The following EVI5 variants were observed in gnomAD, a reference collection of about 807,000 sequenced individuals.
EVI5 encodes the protein ecotropic viral integration site 5 protein homolog.
A neutral mutation model predicts 112.0 loss-of-function variants in EVI5; 73 were observed. The observed-to-expected ratio is 0.65, with a 90% CI of 0.54 to 0.79. The LOEUF (loss-of-function observed/expected upper bound fraction) is 0.79, where lower values mean the gene tolerates loss of function less well. Among genes scored for constraint, EVI5 ranks in the 30% least tolerant of loss-of-function variants. The pLI is 0.00. For synonymous variants in EVI5, 305 were observed against 319.9 expected, an observed-to-expected ratio of 0.95 and a Z score of 0.50; for missense variants, 900 against 968.8, an observed-to-expected ratio of 0.93 and a Z score of 0.94.
At chr1:92,543,488 C>T (rs150586897) in intron 19 of EVI5, among the ~76,000 whole-genome samples, 43 of 152,338 alleles carry the variant, frequency 2.8e-4, no homozygotes, top group African/African-American at 9.4e-4. Flanking sequence ...TCCATATCAG[C>T]AATGAGGCTG....
intron 19 of EVI5, among the ~76,000 whole-genome samples, chr1:92,546,406 GA>G (rs990025254): frequency 2.7e-4 from 41 of 151,730 alleles, no homozygotes; most frequent in African/African-American, 9.9e-4. Flanking sequence ...CTTACCAAAT[GA>G]AAAAAAATAG....
intron 13 of EVI5, among the ~76,000 whole-genome samples, chr1:92,660,361 A>C (rs1449526377): frequency 6.6e-6 from 1 of 152,002 alleles, no homozygotes; most frequent in Non-Finnish European, 1.5e-5. Context: ...TCATATGTGG[A>C]ATCTAAAAAA....
At chr1:92,732,576 A>G (rs1226105242) in intron 2 of EVI5, 6 of 186,840 alleles carry the variant, frequency 3.2e-5, no homozygotes, top group African/African-American at 1.4e-4. Context: ...GAAAGGTCAC[A>G]AACTTTGCCA....
At chr1:92,714,360 A>T (rs1673296689) in intron 2 of EVI5, among the ~76,000 whole-genome samples, 1 of 152,234 alleles carries the variant, frequency 6.6e-6, no homozygotes, top group African/African-American at 2.4e-5. Context: ...TGGGGAAGGG[A>T]AGAATAAATC....
chr1:92,618,854 T>C (rs962233501), intron 16 of EVI5, among the ~76,000 whole-genome samples: 1 of 152,252 alleles, frequency 6.6e-6, no homozygotes, highest in Non-Finnish European at 1.5e-5. Flanking sequence ...TAAGAAAATA[T>C]ATTTTATCAT....
At chr1:92,752,206 G>A (rs529003354) in intron 1 of EVI5, among the ~76,000 whole-genome samples, 71 of 151,896 alleles carry the variant, frequency 4.7e-4, no homozygotes, top group Middle Eastern at 3.4e-3. Context: ...ACGGAATCTC[G>A]CTCTGTTGCC....
intron 2 of EVI5, among the ~76,000 whole-genome samples, chr1:92,711,018 A>C (rs1334605259): frequency 6.6e-6 from 1 of 152,222 alleles, no homozygotes; most frequent in Non-Finnish European, 1.5e-5. Context: ...CTATGTAAGG[A>C]AAATGACAGA....
At chr1:92,622,021 T>C (rs892798436) in intron 16 of EVI5, among the ~76,000 whole-genome samples, 1 of 151,808 alleles carries the variant, frequency 6.6e-6, no homozygotes, top group Non-Finnish European at 1.5e-5. Flanking sequence ...CTTGGGAGGC[T>C]GAGGAGGAGA....
At chr1:92,721,757 T>C (rs911704774) in intron 2 of EVI5, among the ~76,000 whole-genome samples, 6 of 152,184 alleles carry the variant, frequency 3.9e-5, no homozygotes, top group Non-Finnish European at 5.9e-5. Context: ...CTGGGGTAAA[T>C]TGTGAATTGT....
Position 92,551,040 on chromosome 1 carries a change from C to CTT in EVI5, c.2166+12600_2166+12601dup, listed in dbSNP as rs55898086. 8.1e-3 allele frequency among the ~76,000 whole-genome samples: 655 copies of CTT among 80,690 alleles called. 72 individuals are homozygous for CTT. Among genetic ancestry groups the CTT allele is most frequent in the African/African-American group, 0.027 (523 of 19,492 alleles). 52.9% of individuals were successfully genotyped at this position (80,690 alleles called of 152,430 possible). ...TCTTTTTTCTTTTCTTTCTTTCTTT[C>CTT]TTTTTTTTTTTTTTTTTTTTGAGAC... On this transcript the variant is annotated intron_variant, in intron 19 of 19. Coordinates refer to ENST00000684568, the MANE Select transcript of EVI5 (RefSeq NM_001350197.2).
chr1:92,593,743 T>C (rs960853985), intron 18 of EVI5, among the ~76,000 whole-genome samples: 1 of 152,278 alleles, frequency 6.6e-6, no homozygotes, highest in East Asian at 1.9e-4. Context: ...AAAATCAATG[T>C]ACAAAAATCA....
chr1:92,742,099 C>T (rs1416845130), intron 1 of EVI5, among the ~76,000 whole-genome samples: 1 of 151,222 alleles, frequency 6.6e-6, no homozygotes, highest in Non-Finnish European at 1.5e-5. Flanking sequence ...AGAACTCCTA[C>T]AAATTAATAA....
At chr1:92,544,343 G>A (rs1034030091) in intron 19 of EVI5, among the ~76,000 whole-genome samples, 1 of 152,128 alleles carries the variant, frequency 6.6e-6, no homozygotes, top group Non-Finnish European at 1.5e-5. Context: ...TGTAAATAAT[G>A]TCTCAGTAAA....
chr1:92,573,502 A>G (rs2101011450), intron 18 of EVI5, among the ~76,000 whole-genome samples: 1 of 152,174 alleles, frequency 6.6e-6, no homozygotes, highest in Middle Eastern at 3.4e-3. Flanking sequence ...AGAGATAAAT[A>G]TTTCCTTTAA....
At chr1:92,708,296 A>C (rs1203486815) in intron 2 of EVI5, among the ~76,000 whole-genome samples, 1 of 152,156 alleles carries the variant, frequency 6.6e-6, no homozygotes, top group South Asian at 2.1e-4. Context: ...ATCAACAATA[A>C]CGTGATTTAA....
chr1:92,596,403 A>G (rs902172090), intron 18 of EVI5, among the ~76,000 whole-genome samples: 15 of 152,046 alleles, frequency 9.9e-5, no homozygotes, highest in African/African-American at 2.7e-4. Context: ...CCCAAAACCA[A>G]TATCTCCTAT....
At chr1:92,644,008 G>C (rs1341137814) in intron 13 of EVI5, among the ~76,000 whole-genome samples, 1 of 152,178 alleles carries the variant, frequency 6.6e-6, no homozygotes, top group African/African-American at 2.4e-5. Flanking sequence ...TGTAATAACT[G>C]ATTCCATAAG....
intron 13 of EVI5, among the ~76,000 whole-genome samples, chr1:92,661,725 T>C (rs1466326295): frequency 2.0e-5 from 3 of 152,128 alleles, no homozygotes; most frequent in Non-Finnish European, 4.4e-5. Flanking sequence ...CCCTTTCAAC[T>C]GCCAATTTTT....
chr1:92,599,116 T>C (rs1279035886), intron 18 of EVI5, among the ~76,000 whole-genome samples: 2 of 151,810 alleles, frequency 1.3e-5, no homozygotes, highest in Admixed American at 6.6e-5. Flanking sequence ...TACAATGTTA[T>C]AGTATTTATA....
Sources: allele counts gnomAD v4.1 joint callset (sites outside exome capture counted in the v4.1 genomes callset), GRCh38; gene constraint gnomAD v4.1.1; transcripts MANE v1.5; gene names NCBI Gene and HGNC (gene_info 2026-07-23, HGNC 2026-07-21).